The following TCF7L2 variants were observed in gnomAD, a reference collection of about 807,000 sequenced individuals.
The protein encoded by TCF7L2 is transcription factor 7-like 2.
TCF7L2 carries 23 observed loss-of-function variants against 77.9 expected under a neutral mutation model. The observed-to-expected ratio is 0.30, with a 90% confidence interval of 0.21 to 0.42. The LOEUF is 0.42. TCF7L2 is among the 10% of genes least tolerant of loss of function. TCF7L2 has a pLI of 1.00. For missense variants in TCF7L2, 654 were observed against 793.1 expected (o/e 0.82, Z 2.11); for synonymous variants, 413 against 340.2 (o/e 1.21, Z -2.36).
At chr10:112,969,144 C>T (rs141461019) in intron 4 of TCF7L2, among the ~76,000 whole-genome samples, 48 of 152,090 alleles carry the variant, frequency 3.2e-4, no homozygotes, top group Non-Finnish European at 3.8e-4. Flanking sequence ...TTGGCTTCTT[C>T]CTCTCTCCCC....
chr10:112,986,932 C>A (rs1269724929), intron 4 of TCF7L2, among the ~76,000 whole-genome samples: 1 of 152,124 alleles, frequency 6.6e-6, no homozygotes, highest in East Asian at 1.9e-4. Flanking sequence ...CTTTTTCTTG[C>A]AGATATTGGT....
chr10:113,051,159 T>C (rs937246487), intron 5 of TCF7L2, among the ~76,000 whole-genome samples: 2 of 151,994 alleles, frequency 1.3e-5, no homozygotes, highest in Admixed American at 6.6e-5. Context: ...AGAGAGGATC[T>C]AAATCTGGCT....
In TCF7L2 at chr10:113,081,241, C is replaced by G. The variant is rs1181496997; in HGVS notation, c.552+41115C>G. Among the ~76,000 whole-genome samples the G allele has an allele frequency of 2.0e-5, 3 of 152,366 alleles. No individual in the cohort carries two copies. The South Asian group carries it at 6.2e-4, about 32-fold the overall frequency. ...CCTAGTACACATCACAAGTCCTGATCAGACCCTCTTCTCCCTCTTGGCCCC... is the reference window on the plus strand; with the variant it reads ...CCTAGTACACATCACAAGTCCTGATGAGACCCTCTTCTCCCTCTTGGCCCC... On this transcript the variant is annotated intron_variant, in intron 5 of 13. Coordinates refer to ENST00000627217, the MANE Select transcript of TCF7L2 (RefSeq NM_001146274.2).
intron 5 of TCF7L2, among the ~76,000 whole-genome samples, chr10:113,064,554 C>T (rs981731366): frequency 4.6e-5 from 7 of 152,200 alleles, no homozygotes; most frequent in African/African-American, 1.7e-4. Context: ...TTCTAAAGCC[C>T]TCTTGTTTCA....
chr10:113,156,910 A>G (rs1190307069), intron 11 of TCF7L2, among the ~76,000 whole-genome samples: 1 of 152,236 alleles, frequency 6.6e-6, no homozygotes, highest in Non-Finnish European at 1.5e-5. Context: ...GAATGGTGGT[A>G]ATACCTGTTG....
At position 112,951,568 on chromosome 10, in the gene TCF7L2, C is replaced by G; in HGVS notation, c.342C>G (p.Pro114=). 7.2e-7 allele frequency: 1 copy of G among 1,389,430 alleles called. No homozygotes were observed. Among genetic ancestry groups the G allele is most frequent in the Non-Finnish European group, 9.6e-7 (1 of 1,044,250 alleles). 86.1% of individuals were successfully genotyped at this position (1,389,430 alleles called of 1,614,324 possible). The change falls in exon 3 of 14, where the codon CCC becomes CCG. Residue 114 remains proline, a synonymous_variant. Transcript: ENST00000627217. The stretch of plus-strand genomic sequence containing the variant: ...TCATGATCCCCGACCTGACGAGCCC[C>G]TACCTCCCCAACGGATCGCTCTCGC...
At chr10:113,157,957 G>A (rs563313236) in intron 11 of TCF7L2, 64 bp from the exon 12 acceptor site, 20 of 1,517,998 alleles carry the variant, frequency 1.3e-5, no homozygotes, top group Admixed American at 5.9e-5. Context: ...TTCCAGGTGC[G>A]CCCAGACACT....
chr10:113,056,204 C>G (rs1462565129), intron 5 of TCF7L2, among the ~76,000 whole-genome samples: 2 of 152,220 alleles, frequency 1.3e-5, no homozygotes, highest in South Asian at 4.1e-4. Context: ...AAAACCAGAG[C>G]TTAAAGCAGT....
intron 10 of TCF7L2, among the ~76,000 whole-genome samples, 155 bp downstream of exon 10, chr10:113,152,039 G>A (rs2070845573): frequency 6.6e-6 from 1 of 152,026 alleles, no homozygotes; most frequent in Non-Finnish European, 1.5e-5. Flanking sequence ...CACTGAGTCA[G>A]GACTAGTTAT....
intron 3 of TCF7L2, among the ~76,000 whole-genome samples, chr10:112,952,142 C>G (rs758989496): frequency 6.6e-6 from 1 of 152,202 alleles, no homozygotes; most frequent in African/African-American, 2.4e-5. Context: ...GAGTGGGTTT[C>G]CTCCAGGCAT....
chr10:113,123,324 T>A (rs1434779806), intron 5 of TCF7L2, among the ~76,000 whole-genome samples: 1 of 152,172 alleles, frequency 6.6e-6, no homozygotes, highest in Non-Finnish European at 1.5e-5. Context: ...AAAGACAGGC[T>A]CTGGCCAGGA....
At chr10:113,112,369 C>T (rs141723218) in intron 5 of TCF7L2, among the ~76,000 whole-genome samples, 169 of 152,324 alleles carry the variant, frequency 1.1e-3, no homozygotes, top group African/African-American at 3.8e-3. Flanking sequence ...TGCGTGCACA[C>T]GCACACTTCT....
At chr10:113,031,153 T>A (rs2050143840) in intron 4 of TCF7L2, among the ~76,000 whole-genome samples, 1 of 152,224 alleles carries the variant, frequency 6.6e-6, no homozygotes, top group Admixed American at 6.5e-5. Context: ...AGTCACTTAG[T>A]TTTCTGTGCC....
At chr10:113,028,081 G>A (rs2049525112) in intron 4 of TCF7L2, among the ~76,000 whole-genome samples, 1 of 152,174 alleles carries the variant, frequency 6.6e-6, no homozygotes, top group African/African-American at 2.4e-5. Flanking sequence ...AAGGAAAGTG[G>A]GCCGGGATGG....
In TCF7L2 at chr10:113,051,203, C is replaced by CCACACACACACACACA. The variant is rs55771704; in HGVS notation, c.552+11102_552+11117dup. 2.3e-4 allele frequency among the ~76,000 whole-genome samples: 32 copies of CCACACACACACACACA among 140,488 alleles called. 1 individual carries two copies. Among genetic ancestry groups the CCACACACACACACACA allele is most frequent in the African/African-American group, 8.2e-4 (31 of 37,740 alleles). The allele number at this position is 140,488 out of a possible 152,430, so 92.2% of individuals were successfully genotyped here. ...TTGCCTTCATACATGTGCATACACA[C>CCACACACACACACACA]CACACACACACACACACACACACAC... On this transcript the variant is annotated intron_variant, in intron 5 of 13. Transcript: ENST00000627217.
chr10:113,083,764 G>A (rs1168505412), intron 5 of TCF7L2, among the ~76,000 whole-genome samples: 2 of 152,162 alleles, frequency 1.3e-5, no homozygotes, highest in Non-Finnish European at 2.9e-5. Context: ...TGTCAGTTCA[G>A]TACTTTGCTT....
At chr10:113,068,083 T>G (rs2057481837) in intron 5 of TCF7L2, among the ~76,000 whole-genome samples, 1 of 152,126 alleles carries the variant, frequency 6.6e-6, no homozygotes, top group South Asian at 2.1e-4. Context: ...TTCAAAACAG[T>G]GTTGTTTTTT....
At chr10:113,045,935 C>T (rs1358047003) in intron 5 of TCF7L2, among the ~76,000 whole-genome samples, 3 of 152,092 alleles carry the variant, frequency 2.0e-5, no homozygotes, top group Non-Finnish European at 2.9e-5. Flanking sequence ...TCGGGCACTA[C>T]CAAAACATTA....
chr10:113,087,067 A>G (rs1350141347), intron 5 of TCF7L2, among the ~76,000 whole-genome samples: 1 of 152,166 alleles, frequency 6.6e-6, no homozygotes, highest in Non-Finnish European at 1.5e-5. Flanking sequence ...GGTTAGGGGT[A>G]AGGTTAATTC....
Sources: allele counts gnomAD v4.1 joint callset (sites outside exome capture counted in the v4.1 genomes callset), GRCh38; gene constraint gnomAD v4.1.1; transcripts MANE v1.5; gene names NCBI Gene and HGNC (gene_info 2026-07-23, HGNC 2026-07-21).